The following P2RY14 variants were observed in gnomAD, a reference collection of about 807,000 sequenced individuals.
P2RY14 encodes the protein P2Y purinoceptor 14.
Under a neutral mutation model 0.9 loss-of-function variants are expected in P2RY14, and 2 were observed. That is an observed-to-expected ratio of 2.16 (90% CI 0.88 to 6.79). The LOEUF (loss-of-function observed/expected upper bound fraction) is 6.79. Ranked by LOEUF, P2RY14 falls within the 30% of genes most tolerant of loss-of-function variation. The pLI is 0.05. For missense variants in P2RY14, 378 were observed against 400.1 expected (o/e 0.94, Z 0.47); for synonymous variants, 158 against 147.2 (o/e 1.07, Z -0.53).
intron 2 of P2RY14, among the ~76,000 whole-genome samples, chr3:151,218,866 C>CAAAAAAAAA (rs397686351): frequency 1.4e-5 from 1 of 71,368 alleles, no homozygotes; most frequent in Non-Finnish European, 2.8e-5. Flanking sequence ...GACTCAGTCT[C>CAAAAAAAAA]AAAAAAAAAA....
chr3:151,255,601 A>G (rs979843395), intron 1 of P2RY14, among the ~76,000 whole-genome samples: 2 of 152,108 alleles, frequency 1.3e-5, no homozygotes, highest in Admixed American at 1.3e-4. Context: ...CTTCCCTTCT[A>G]TAGTGGAGCT....
At chr3:151,260,020 C>T (rs966073470) in intron 1 of P2RY14, among the ~76,000 whole-genome samples, 3 of 152,046 alleles carry the variant, frequency 2.0e-5, no homozygotes, top group Non-Finnish European at 2.9e-5. Flanking sequence ...GTGGGGAGCT[C>T]GGGTTATTTT....
In P2RY14 at chr3:151,242,593, CAT is replaced by C. The variant is rs1577087468; in HGVS notation, c.-132-22953_-132-22952del. ...AAGGAAAACTAACAAACAGAAAACA[CAT>C]CCACACCAAAAACCCATCTGTACAT... On this transcript the variant is annotated intron_variant, in intron 1 of 2. Coordinates refer to ENST00000309170, the MANE Select transcript of P2RY14 (RefSeq NM_014879.4). Among the ~76,000 whole-genome samples the C allele has an allele frequency of 4.6e-5, 7 of 152,322 alleles. No individual in the cohort carries two copies. In the South Asian group the frequency reaches 8.3e-4, roughly 18 times the overall value.
At chr3:151,254,104 C>A (rs990832117) in intron 1 of P2RY14, among the ~76,000 whole-genome samples, 13 of 151,210 alleles carry the variant, frequency 8.6e-5, no homozygotes, top group African/African-American at 3.2e-4. Flanking sequence ...AATAGAAGTC[C>A]ATACCCTTTT....
At chr3:151,278,232 C>G (rs1742218882) in intron 1 of P2RY14, 55 bp downstream of exon 1, 1 of 152,192 alleles carries the variant, frequency 6.6e-6, no homozygotes, top group African/African-American at 2.4e-5. Flanking sequence ...CTTTTCTGTT[C>G]CCATGCACCA....
chr3:151,229,917 A>C (rs1731295995), intron 1 of P2RY14, among the ~76,000 whole-genome samples: 1 of 152,090 alleles, frequency 6.6e-6, no homozygotes, highest in Non-Finnish European at 1.5e-5. Context: ...TTGAAATCAA[A>C]GACCTTTACT....
intron 1 of P2RY14, among the ~76,000 whole-genome samples, chr3:151,227,999 G>T (rs1342305493): frequency 2.0e-5 from 3 of 152,134 alleles, no homozygotes; most frequent in African/African-American, 7.2e-5. Flanking sequence ...ACCCCTTAAT[G>T]GTAGGTATGT....
At chr3:151,217,527 G>A (rs1172374322) in intron 2 of P2RY14, among the ~76,000 whole-genome samples, 1 of 152,172 alleles carries the variant, frequency 6.6e-6, no homozygotes, top group Non-Finnish European at 1.5e-5. Context: ...AATGCACACA[G>A]CTTACCTGCG....
At chr3:151,262,687 T>C (rs2149506272) in intron 1 of P2RY14, among the ~76,000 whole-genome samples, 1 of 152,352 alleles carries the variant, frequency 6.6e-6, no homozygotes, top group East Asian at 1.9e-4. Context: ...AGATTTATTC[T>C]TGGGTAACCA....
intron 1 of P2RY14, among the ~76,000 whole-genome samples, chr3:151,248,333 A>T (rs949436107): frequency 6.6e-6 from 1 of 152,200 alleles, no homozygotes; most frequent in Non-Finnish European, 1.5e-5. Context: ...CATGCATTTA[A>T]TATTTTAGAG....
At chr3:151,241,388 T>C (rs1050965411) in intron 1 of P2RY14, among the ~76,000 whole-genome samples, 2 of 152,222 alleles carry the variant, frequency 1.3e-5, no homozygotes, top group Non-Finnish European at 2.9e-5. Context: ...AACAAACTTT[T>C]ACTCTTGATT....
chr3:151,214,601 C>T (rs1428390947), intron 2 of P2RY14, among the ~76,000 whole-genome samples: 1 of 150,582 alleles, frequency 6.6e-6, no homozygotes, highest in African/African-American at 2.5e-5. Flanking sequence ...TCCCCTCTCC[C>T]CCTCCCTTTT....
At chr3:151,263,354 A>G (rs901073968) in intron 1 of P2RY14, among the ~76,000 whole-genome samples, 1 of 152,260 alleles carries the variant, frequency 6.6e-6, no homozygotes, top group Non-Finnish European at 1.5e-5. Flanking sequence ...ATAACATTGC[A>G]TTATTACAAA....
At chr3:151,250,427 T>C (rs1736614092) in intron 1 of P2RY14, among the ~76,000 whole-genome samples, 1 of 152,204 alleles carries the variant, frequency 6.6e-6, no homozygotes, top group Non-Finnish European at 1.5e-5. Flanking sequence ...CATTAAATAA[T>C]AATTCTCCAT....
intron 1 of P2RY14, among the ~76,000 whole-genome samples, chr3:151,224,230 C>G (rs1402286830): frequency 6.6e-6 from 1 of 152,028 alleles, no homozygotes; most frequent in Non-Finnish European, 1.5e-5. Flanking sequence ...TATAAAGGTA[C>G]AACTTTTATA....
chr3:151,230,781 A>G (rs567498530), intron 1 of P2RY14, among the ~76,000 whole-genome samples: 3 of 152,320 alleles, frequency 2.0e-5, no homozygotes, highest in Non-Finnish European at 4.4e-5. Flanking sequence ...AACTTGCTCA[A>G]GCCATTTTTA....
At chr3:151,228,802 A>G (rs1731042136) in intron 1 of P2RY14, among the ~76,000 whole-genome samples, 1 of 152,188 alleles carries the variant, frequency 6.6e-6, no homozygotes, top group Non-Finnish European at 1.5e-5. Flanking sequence ...TCCTGGAACT[A>G]GGTTGAGCTG....
intron 1 of P2RY14, among the ~76,000 whole-genome samples, chr3:151,240,901 T>G (rs781517163): frequency 1.3e-5 from 2 of 152,342 alleles, no homozygotes; most frequent in South Asian, 4.1e-4. Flanking sequence ...TGGTCTTGAT[T>G]AGCTGTGTCA....
chr3:151,274,003 T>C (rs1436228749), intron 1 of P2RY14, among the ~76,000 whole-genome samples: 1 of 152,182 alleles, frequency 6.6e-6, no homozygotes, highest in East Asian at 1.9e-4. Context: ...GTGTGGCCTC[T>C]AAAGCATTTT....
Sources: allele counts gnomAD v4.1 joint callset (sites outside exome capture counted in the v4.1 genomes callset), GRCh38; gene constraint gnomAD v4.1.1; transcripts MANE v1.5; gene names NCBI Gene and HGNC (gene_info 2026-07-23, HGNC 2026-07-21).